CCDC3: variants seen among roughly 807,000 people sequenced by gnomAD.
CCDC3 encodes the protein coiled-coil domain containing 3.
A neutral mutation model predicts 21.4 loss-of-function variants in CCDC3; 24 were observed. That is an observed-to-expected ratio of 1.12 (90% CI 0.81 to 1.58). The LOEUF is 1.58. Among genes scored for constraint, CCDC3 ranks in the 40% most tolerant of loss-of-function variants. CCDC3 has a pLI of 0.00. For missense variants in CCDC3, 425 were observed against 360.9 expected (o/e 1.18, Z -1.44); for synonymous variants, 186 against 166.0 (o/e 1.12, Z -0.93).
chr10:12,931,651 T>G (rs1285428647), intron 2 of CCDC3, among the ~76,000 whole-genome samples: 1 of 152,220 alleles, frequency 6.6e-6, no homozygotes, highest in Non-Finnish European at 1.5e-5. Flanking sequence ...CACCTAAAGT[T>G]TTCTTCCTGT....
At chr10:12,932,355 T>G (rs552103818) in intron 2 of CCDC3, among the ~76,000 whole-genome samples, 67 of 152,212 alleles carry the variant, frequency 4.4e-4, no homozygotes, top group Non-Finnish European at 1.0e-4. Context: ...TGGTCTACAG[T>G]TGGACAAAAT....
At chr10:12,973,141 A>C (rs541741118) in intron 2 of CCDC3, among the ~76,000 whole-genome samples, 44 of 152,328 alleles carry the variant, frequency 2.9e-4, no homozygotes, top group South Asian at 1.7e-3. Context: ...ACAGATAAAT[A>C]AGCCCAAGGC....
intron 4 of CCDC3, among the ~76,000 whole-genome samples, chr10:13,059,345 A>G (rs1220394513): frequency 6.6e-6 from 1 of 152,160 alleles, no homozygotes; most frequent in Non-Finnish European, 1.5e-5. Flanking sequence ...CCTACTTTGG[A>G]TATGAGATGA....
intron 4 of CCDC3, among the ~76,000 whole-genome samples, chr10:13,071,797 G>T (rs1836885519): frequency 6.6e-6 from 1 of 152,118 alleles, no homozygotes. Flanking sequence ...TCTTCAGTCT[G>T]TATCTCTTTT....
intron 2 of CCDC3, among the ~76,000 whole-genome samples, chr10:12,988,075 A>C (rs1309259798): frequency 6.6e-6 from 1 of 152,084 alleles, no homozygotes; most frequent in South Asian, 2.1e-4. Context: ...ACAAAGATCT[A>C]ATCTTCCCCC....
At position 13,074,785 on chromosome 10, in the gene CCDC3, CTG is replaced by C. The variant is rs768922640; in HGVS notation, c.-502-687_-502-686del. 1.1e-4 allele frequency among the ~76,000 whole-genome samples: 16 copies of C among 152,276 alleles called. No homozygotes were observed. The South Asian group carries it at 1.2e-3, about 12-fold the overall frequency. Reference sequence around the variant, plus strand: ...TTTTACTCAGCTATCTACGTTAGACCTGTGTTCCTGTTATTCCACAATATTAC... The same window carrying C: ...TTTTACTCAGCTATCTACGTTAGACCTGTTCCTGTTATTCCACAATATTAC... On this transcript the variant is annotated intron_variant, in intron 3 of 6. Transcript: ENST00000378839.
intron 3 of CCDC3, among the ~76,000 whole-genome samples, chr10:13,096,149 T>C (rs1832626722): frequency 6.7e-6 from 1 of 148,354 alleles, no homozygotes; most frequent in Non-Finnish European, 1.5e-5. Context: ...CTCTACTTCC[T>C]TCCTTCCCTC....
chr10:13,036,794 ATTT>A (rs35674867), intron 5 of CCDC3, among the ~76,000 whole-genome samples: 4 of 144,980 alleles, frequency 2.8e-5, no homozygotes, highest in Admixed American at 6.8e-5. Flanking sequence ...TCTTATGTAC[ATTT>A]TTTTTTTTTT....
At chr10:12,983,668 C>CA (rs34200519) in intron 2 of CCDC3, among the ~76,000 whole-genome samples, 1,960 of 134,882 alleles carry the variant, frequency 0.015, 41 homozygotes, top group African/African-American at 0.045. Context: ...AAAGAAGTGG[C>CA]AAAAAAAAAA....
chr10:12,940,529 G>A (rs1169126743), intron 2 of CCDC3, among the ~76,000 whole-genome samples: 1 of 152,086 alleles, frequency 6.6e-6, no homozygotes, highest in Non-Finnish European at 1.5e-5. Context: ...AATAAGATAG[G>A]ATCCGGGGTC....
chr10:13,090,031 T>TTAGATATA (rs1564345263), intron 3 of CCDC3, among the ~76,000 whole-genome samples: 35 of 7,824 alleles, frequency 4.5e-3, no homozygotes, highest in Non-Finnish European at 4.9e-3. Context: ...TAGTATTCCG[T>TTAGATATA]TAGATATATA....
chr10:12,918,034 A>G (rs935868206), intron 2 of CCDC3, among the ~76,000 whole-genome samples: 5 of 152,206 alleles, frequency 3.3e-5, no homozygotes, highest in African/African-American at 1.2e-4. Flanking sequence ...AGTTGGGTAT[A>G]TGGTATGAAG....
At chr10:13,046,743 C>T (rs1167032698) in intron 5 of CCDC3, among the ~76,000 whole-genome samples, 2 of 150,900 alleles carry the variant, frequency 1.3e-5, no homozygotes, top group African/African-American at 4.9e-5. Context: ...AAGAAGTAGA[C>T]AAGAATGGAA....
At chr10:12,947,348 A>G (rs1035899910) in intron 2 of CCDC3, among the ~76,000 whole-genome samples, 9 of 152,014 alleles carry the variant, frequency 5.9e-5, no homozygotes, top group African/African-American at 1.7e-4. Flanking sequence ...TGGTTTCACC[A>G]TGTTGGCCAG....
Position 12,918,648 on chromosome 10 carries a change from T to C in CCDC3, c.550-19969A>G, listed in dbSNP as rs111713524. On this transcript the variant is annotated intron_variant, in intron 2 of 2. Coordinates refer to ENST00000378825, the MANE Select transcript of CCDC3 (RefSeq NM_031455.4). ...AGCAGGAATGACTTTAAGACCCATG[T>C]GTAGGAGAACAGTTAAATAAACTGC... Among the ~76,000 whole-genome samples the C allele has an allele frequency of 8.6e-3, 1,305 of 152,332 alleles. 15 individuals are homozygous for C. Among genetic ancestry groups the C allele is most frequent in the African/African-American group, 0.03 (1,231 of 41,568 alleles).
intron 2 of CCDC3, among the ~76,000 whole-genome samples, chr10:12,948,858 A>C (rs1834965604): frequency 1.3e-5 from 2 of 149,272 alleles, no homozygotes; most frequent in African/African-American, 5.0e-5. Flanking sequence ...CAGCCTCCCG[A>C]GTAGCTGGGA....
intron 4 of CCDC3, among the ~76,000 whole-genome samples, chr10:13,068,737 A>G (rs1404484311): frequency 1.3e-5 from 2 of 152,186 alleles, no homozygotes; most frequent in Admixed American, 6.5e-5. Flanking sequence ...ACAACTTACT[A>G]GGTTCTACAT....
At chr10:12,943,325 G>A (rs281846) in intron 2 of CCDC3, among the ~76,000 whole-genome samples, 132,895 of 152,178 alleles carry the variant, frequency 0.87, 58,209 homozygotes, top group East Asian at 1. Flanking sequence ...AGGGAACCCC[G>A]AAGAAATGTG....
chr10:13,096,191 C>CTCTT (rs72216921), intron 3 of CCDC3, among the ~76,000 whole-genome samples: 115,319 of 147,090 alleles, frequency 0.78, 46,064 homozygotes, highest in Non-Finnish European at 0.87. Context: ...CTCTCTCTCT[C>CTCTT]TCTTTCTTTT....
Sources: allele counts gnomAD v4.1 joint callset (sites outside exome capture counted in the v4.1 genomes callset), GRCh38; gene constraint gnomAD v4.1.1; transcripts MANE v1.5; gene names NCBI Gene and HGNC (gene_info 2026-07-23, HGNC 2026-07-21).